Variants in UNC13C observed in about 807,000 individuals in gnomAD.
UNC13C encodes protein unc-13 homolog C.
Under a neutral mutation model 245.4 loss-of-function variants are expected in UNC13C, and 174 were observed. That is an observed-to-expected ratio of 0.71 (90% confidence interval 0.63 to 0.80). The LOEUF (loss-of-function observed/expected upper bound fraction) is 0.80, where lower values mean the gene tolerates loss of function less well. Ranked by LOEUF, UNC13C falls within the 30% of genes least tolerant of loss-of-function variation. The pLI, the probability that UNC13C is intolerant of heterozygous loss-of-function variation, is 0.00. For synonymous variants in UNC13C, 992 were observed against 895.1 expected, an observed-to-expected ratio of 1.11 and a Z score of -1.93; for missense variants, 2,829 against 2,602.9, an observed-to-expected ratio of 1.09 and a Z score of -1.89.
At chr15:54,244,137 T>C (rs1294248629) in intron 7 of UNC13C, among the ~76,000 whole-genome samples, 1 of 152,212 alleles carries the variant, frequency 6.6e-6, no homozygotes, top group Non-Finnish European at 1.5e-5. Context: ...CTTTAATCCA[T>C]CTTGAGTTAA....
At chr15:53,957,279 TTACAGGTG>T in the UNC13C span, among the ~76,000 whole-genome samples, 1 of 152,076 alleles carries the variant, frequency 6.6e-6, no homozygotes, top group Non-Finnish European at 1.5e-5. Context: ...GTAGCTAGGA[TTACAGGTG>T]TGCACCACTA....
intron 1 of UNC13C, among the ~76,000 whole-genome samples, chr15:53,992,325 TC>T (rs771275450): frequency 4.6e-5 from 7 of 152,074 alleles, no homozygotes; most frequent in Non-Finnish European, 8.8e-5. Context: ...GCCTTTCTCC[TC>T]TCTTAACAGA....
chr15:54,547,157 T>C (rs534427983), intron 27 of UNC13C, among the ~76,000 whole-genome samples: 3 of 152,306 alleles, frequency 2.0e-5, no homozygotes, highest in South Asian at 4.1e-4. Context: ...CTCAAGAAAA[T>C]AGAATTAAGA....
intron 4 of UNC13C, among the ~76,000 whole-genome samples, chr15:54,194,065 T>G (rs2034274602): frequency 6.6e-6 from 1 of 152,172 alleles, no homozygotes; most frequent in Non-Finnish European, 1.5e-5. Flanking sequence ...GCCATATCTC[T>G]GAGGGCCAAG....
the UNC13C span, among the ~76,000 whole-genome samples, chr15:53,929,417 C>A: frequency 1.3e-5 from 2 of 152,124 alleles, no homozygotes; most frequent in Non-Finnish European, 2.9e-5. Context: ...AAAATGATAT[C>A]ACCAGAGACT....
chr15:54,359,969 C>CTT (rs967479167), intron 17 of UNC13C, among the ~76,000 whole-genome samples: 1 of 151,932 alleles, frequency 6.6e-6, no homozygotes, highest in African/African-American at 2.4e-5. Context: ...TAACTTCCCT[C>CTT]TTAAAACTGC....
At chr15:54,277,344 C>G (rs1380028817) in intron 10 of UNC13C, among the ~76,000 whole-genome samples, 2 of 152,140 alleles carry the variant, frequency 1.3e-5, no homozygotes, top group African/African-American at 4.8e-5. Flanking sequence ...AGTTAAAGCA[C>G]TAAAATAAGA....
chr15:53,850,397 A>C, the UNC13C span, among the ~76,000 whole-genome samples: 2 of 152,160 alleles, frequency 1.3e-5, no homozygotes, highest in Non-Finnish European at 2.9e-5. Context: ...CCTAGGTAAC[A>C]GAGCAAGACG....
At chr15:54,359,465 A>G (rs563970027) in intron 17 of UNC13C, among the ~76,000 whole-genome samples, 10 of 152,092 alleles carry the variant, frequency 6.6e-5, no homozygotes, top group Admixed American at 5.9e-4. Flanking sequence ...TGAAGCCATC[A>G]GGTCCTGGAC....
At chr15:54,062,925 G>C (rs1223942899) in intron 2 of UNC13C, among the ~76,000 whole-genome samples, 1 of 152,198 alleles carries the variant, frequency 6.6e-6, no homozygotes, top group Non-Finnish European at 1.5e-5. Flanking sequence ...CTTTCATTGA[G>C]AGACACAGTT....
intron 17 of UNC13C, among the ~76,000 whole-genome samples, chr15:54,356,482 A>G (rs751657558): frequency 6.6e-6 from 1 of 152,180 alleles, no homozygotes; most frequent in African/African-American, 2.4e-5. Context: ...TTTATCGCTC[A>G]CAGTTCTCAA....
chr15:54,414,302 T>C (rs1340296612), intron 18 of UNC13C, among the ~76,000 whole-genome samples: 1 of 152,190 alleles, frequency 6.6e-6, no homozygotes, highest in African/African-American at 2.4e-5. Flanking sequence ...TAGTGTCATA[T>C]GGTGTTTGCT....
At chr15:54,101,562 A>G (rs764352488) in intron 2 of UNC13C, among the ~76,000 whole-genome samples, 1 of 151,746 alleles carries the variant, frequency 6.6e-6, no homozygotes, top group African/African-American at 2.4e-5. Context: ...AGTTCATTCT[A>G]TTTGCTCCTC....
intron 30 of UNC13C, among the ~76,000 whole-genome samples, chr15:54,591,091 C>T (rs1236249443): frequency 1.3e-5 from 2 of 152,122 alleles, no homozygotes; most frequent in Admixed American, 1.3e-4. Flanking sequence ...TCATGTATCA[C>T]ATTTTTTGAC....
intron 14 of UNC13C, among the ~76,000 whole-genome samples, chr15:54,325,440 C>T (rs13329097): frequency 0.45 from 67,683 of 151,782 alleles, 16,203 homozygotes; most frequent in African/African-American, 0.62. Context: ...CTTTAAGTTC[C>T]AGGGTACATG....
chr15:54,215,107 A>G (rs975756060), intron 4 of UNC13C, among the ~76,000 whole-genome samples: 2 of 151,910 alleles, frequency 1.3e-5, no homozygotes, highest in Non-Finnish European at 2.9e-5. Flanking sequence ...AAGCTCTAGA[A>G]AAGTCTGTAT....
intron 16 of UNC13C, among the ~76,000 whole-genome samples, chr15:54,334,649 C>T (rs1301011884): frequency 6.6e-6 from 1 of 152,102 alleles, no homozygotes; most frequent in Non-Finnish European, 1.5e-5. Context: ...CATTTAGATT[C>T]TTTAAAGTTG....
At chr15:54,507,246 C>A in intron 23 of UNC13C, 52 bp downstream of exon 23, 2 of 1,202,322 alleles carry the variant, frequency 1.7e-6, no homozygotes, top group Non-Finnish European at 2.4e-6. Flanking sequence ...AGATTTACTT[C>A]TTCAAAGTAT....
At chr15:54,335,071 T>C (rs1469107466) in intron 16 of UNC13C, among the ~76,000 whole-genome samples, 1 of 152,132 alleles carries the variant, frequency 6.6e-6, no homozygotes, top group African/African-American at 2.4e-5. Flanking sequence ...TCCTTGTATG[T>C]GTCCATATAT....
Sources: allele counts gnomAD v4.1 joint callset (sites outside exome capture counted in the v4.1 genomes callset), GRCh38; gene constraint gnomAD v4.1.1; transcripts MANE v1.5; gene names NCBI Gene and HGNC (gene_info 2026-07-23, HGNC 2026-07-21).